Variants in FAM13A observed in about 807,000 individuals in gnomAD.
The protein encoded by FAM13A is protein FAM13A.
In FAM13A, 76 loss-of-function variants were observed where a neutral mutation model predicts 129.6. The observed-to-expected ratio is 0.59, with a 90% CI of 0.49 to 0.71. The LOEUF is 0.71. Among genes scored for constraint, FAM13A ranks in the 30% least tolerant of loss-of-function variants. The pLI is 0.00. For missense variants in FAM13A, 1,108 were observed against 1,249.3 expected (o/e 0.89, Z 1.70); for synonymous variants, 443 against 449.9 (o/e 0.98, Z 0.20).
chr4:88,847,732 C>A (rs28400320), intron 7 of FAM13A, among the ~76,000 whole-genome samples: 1 of 152,006 alleles, frequency 6.6e-6, no homozygotes, highest in Non-Finnish European at 1.5e-5. Flanking sequence ...CAGGAGATTG[C>A]GACCATCCTG....
chr4:88,731,190 C>T (rs888987973), intron 23 of FAM13A, 137 bp downstream of exon 23: 8 of 586,970 alleles, frequency 1.4e-5, no homozygotes, highest in Non-Finnish European at 2.4e-5. Flanking sequence ...GGGCACAAAC[C>T]CAAGGACCAG....
At chr4:88,740,319 A>C (rs1739965006) in intron 19 of FAM13A, among the ~76,000 whole-genome samples, 2 of 152,206 alleles carry the variant, frequency 1.3e-5, no homozygotes, top group African/African-American at 2.4e-5. Flanking sequence ...CTGTAGCGAT[A>C]TGTTGACACG....
intron 3 of FAM13A, among the ~76,000 whole-genome samples, chr4:89,018,516 A>G (rs1373997831): frequency 2.6e-5 from 4 of 152,232 alleles, no homozygotes; most frequent in African/African-American, 7.2e-5. Flanking sequence ...CCTCAAAGAT[A>G]AAAATAAAGG....
At chr4:89,053,682 G>A (rs1433873907) in intron 1 of FAM13A, among the ~76,000 whole-genome samples, 1 of 151,944 alleles carries the variant, frequency 6.6e-6, no homozygotes, top group East Asian at 1.9e-4. Flanking sequence ...CAGGTGGGGT[G>A]GACTGTTAGG....
At chr4:88,748,787 C>T (rs566749846) in intron 17 of FAM13A, among the ~76,000 whole-genome samples, 165 bp downstream of exon 17, 96 of 152,264 alleles carry the variant, frequency 6.3e-4, no homozygotes, top group African/African-American at 2.1e-3. Flanking sequence ...GTGACTGAGA[C>T]CATGTGAAGA....
intron 3 of FAM13A, among the ~76,000 whole-genome samples, chr4:89,017,903 C>T (rs926970729): frequency 2.0e-5 from 3 of 152,106 alleles, no homozygotes; most frequent in African/African-American, 7.2e-5. Flanking sequence ...GCACCGTTGA[C>T]AACCAGAACA....
chr4:88,892,733 T>G (rs1745562412), intron 6 of FAM13A, among the ~76,000 whole-genome samples: 1 of 151,970 alleles, frequency 6.6e-6, no homozygotes, highest in Non-Finnish European at 1.5e-5. Context: ...TACCTAACCT[T>G]GTACTGAAAG....
intron 3 of FAM13A, among the ~76,000 whole-genome samples, chr4:89,013,062 C>A (rs1218675494): frequency 6.6e-6 from 1 of 152,022 alleles, no homozygotes; most frequent in Non-Finnish European, 1.5e-5. Flanking sequence ...AGCGCAGCAT[C>A]TGCTTTTAAT....
chr4:88,866,476 G>A (rs1262848180), intron 6 of FAM13A, among the ~76,000 whole-genome samples: 2 of 152,088 alleles, frequency 1.3e-5, no homozygotes, highest in Non-Finnish European at 1.5e-5. Context: ...GACTGTGCCC[G>A]GCACTTTTGC....
chr4:88,983,504 A>C (rs1761890778), intron 4 of FAM13A, among the ~76,000 whole-genome samples: 2 of 152,218 alleles, frequency 1.3e-5, no homozygotes. Flanking sequence ...TGGTATTAGC[A>C]ATGAGCAATC....
At chr4:88,928,533 C>A (rs947837152) in intron 5 of FAM13A, among the ~76,000 whole-genome samples, 4 of 152,194 alleles carry the variant, frequency 2.6e-5, no homozygotes, top group African/African-American at 9.6e-5. Flanking sequence ...CTGAATTGAT[C>A]CCTTTATCAT....
intron 4 of FAM13A, among the ~76,000 whole-genome samples, chr4:88,953,699 A>G (rs1310649142): frequency 6.6e-6 from 1 of 152,114 alleles, no homozygotes; most frequent in African/African-American, 2.4e-5. Context: ...GATTTTAGGT[A>G]CCTCATATAA....
chr4:89,040,006 T>C (rs1421197911), intron 1 of FAM13A, among the ~76,000 whole-genome samples: 1 of 151,548 alleles, frequency 6.6e-6, no homozygotes, highest in Non-Finnish European at 1.5e-5. Context: ...TCAGGACAAC[T>C]GGGAAAATGT....
At chr4:88,903,417 C>T (rs984610255) in intron 6 of FAM13A, among the ~76,000 whole-genome samples, 17 of 152,012 alleles carry the variant, frequency 1.1e-4, no homozygotes, top group African/African-American at 3.4e-4. Flanking sequence ...AAAACAGACA[C>T]ATGGACCAAT....
chr4:88,837,204 A>T (rs961424574), intron 7 of FAM13A, among the ~76,000 whole-genome samples: 1 of 150,846 alleles, frequency 6.6e-6, no homozygotes, highest in Admixed American at 6.6e-5. Flanking sequence ...CATGTTGGTC[A>T]GGCTGGTCTT....
intron 13 of FAM13A, among the ~76,000 whole-genome samples, chr4:88,759,910 T>C (rs1314951275): frequency 1.3e-5 from 2 of 152,206 alleles, no homozygotes; most frequent in Non-Finnish European, 2.9e-5. Context: ...TTGTCACTCT[T>C]CCCTGTCTCA....
chr4:88,864,852 A>G (rs1740107253), intron 6 of FAM13A, among the ~76,000 whole-genome samples: 1 of 152,244 alleles, frequency 6.6e-6, no homozygotes, highest in Admixed American at 6.5e-5. Context: ...TTAAATGGAA[A>G]GGTGGTAACT....
At chr4:88,780,550 T>C (rs1374865784) in intron 11 of FAM13A, among the ~76,000 whole-genome samples, 3 of 152,172 alleles carry the variant, frequency 2.0e-5, no homozygotes, top group Non-Finnish European at 4.4e-5. Flanking sequence ...TTAATAGTTA[T>C]ACTGAACAAA....
chr4:89,043,493 C>T (rs910092020), intron 1 of FAM13A, among the ~76,000 whole-genome samples: 12 of 152,012 alleles, frequency 7.9e-5, no homozygotes, highest in Non-Finnish European at 1.5e-4. Flanking sequence ...TATTACTATA[C>T]CCCATAGGAA....
Sources: gnomAD v4.1 joint callset for allele counts (sites outside exome capture counted in the v4.1 genomes callset) on GRCh38, gnomAD v4.1.1 for gene constraint, MANE v1.5 for transcripts, NCBI Gene and HGNC (gene_info 2026-07-23, HGNC 2026-07-21) for gene names.